Variants in PLEKHG3 observed in about 807,000 individuals in gnomAD.
PLEKHG3 encodes the protein pleckstrin homology domain-containing family G member 3.
In PLEKHG3, 62 loss-of-function variants were observed where a neutral mutation model predicts 94.9. The observed-to-expected ratio is 0.65, with a 90% CI of 0.53 to 0.81. PLEKHG3 has a LOEUF of 0.81. PLEKHG3 is among the 30% of genes least tolerant of loss of function. PLEKHG3 has a pLI of 0.00. For missense variants in PLEKHG3, 1,461 were observed against 1,619.3 expected, an observed-to-expected ratio of 0.90 and a Z score of 1.68; for synonymous variants, 614 against 654.0, an observed-to-expected ratio of 0.94 and a Z score of 0.93.
At chr14:64,711,002 A>G (rs1028835084) in intron 1 of PLEKHG3, among the ~76,000 whole-genome samples, 2 of 152,160 alleles carry the variant, frequency 1.3e-5, no homozygotes, top group African/African-American at 4.8e-5. Context: ...TTTTTAAAAG[A>G]TTCCCAGTCA....
In PLEKHG3 at chr14:64,738,903, C is replaced by A. The variant is rs760230682; in HGVS notation, c.1518+48C>A. The stretch of plus-strand genomic sequence containing the variant: ...GGGGATAGTAGGAAGAACTTGGAGT[C>A]CAGATTTTCAAGTCTGCAAATAGGG... On this transcript the variant is annotated intron_variant, in intron 15 of 16. Coordinates refer to ENST00000247226, the MANE Select transcript of PLEKHG3 (RefSeq NM_001308147.2). This position sits in a 1 kb window ranked among gnomAD's most constrained non-coding sequence, Gnocchi z 4.8. 4.8e-6 allele frequency: 6 copies of A among 1,251,244 alleles called. No homozygotes were observed. Among genetic ancestry groups the A allele is most frequent in the Non-Finnish European group, 6.9e-6 (6 of 873,142 alleles). 77.5% of individuals were successfully genotyped at this position (1,251,244 alleles called of 1,614,324 possible). A position where few individuals can be genotyped will look rare whatever the true frequency, so the allele number is the denominator to read the frequency against.
rs907761393 is a variant in PLEKHG3 at position 64,741,784 on chromosome 14, G to T, written c.2267G>T (p.Arg756Met). 6.2e-7 allele frequency: 1 copy of T among 1,613,376 alleles called. No individual in the cohort carries two copies. Among genetic ancestry groups the T allele is most frequent in the Non-Finnish European group, 8.5e-7 (1 of 1,180,052 alleles). Residue 756 changes from arginine to methionine, a missense_variant, in exon 16 of 17, where the codon AGG becomes ATG. Physicochemically the swap from Arg to Met is moderately conservative, Grantham distance 91. Transcript: ENST00000247226. ...GGACTGGTAAGAAACTCCATCTCCA[G>T]GTTCAACAGCCTTCCCCGGCCAGAC... ...PKGLVRNSIS[R>M]FNSLPRPDPE...
Position 64,749,390 on chromosome 14 carries a change from G to C in PLEKHG3, c.*5687G>C, listed in dbSNP as rs780072609. 1 of 1,609,826 alleles carries C rather than the reference G, an allele frequency of 6.2e-7. No homozygotes were observed. Among genetic ancestry groups the C allele is most frequent in the Admixed American group, 1.7e-5 (1 of 59,976 alleles). Reference sequence around the variant, plus strand: ...CGTCGGGGCCGGAGAGGGAAGGCAGGGGCAGGCTCTGCGCCTTGACGCGGA... The same window carrying C: ...CGTCGGGGCCGGAGAGGGAAGGCAGCGGCAGGCTCTGCGCCTTGACGCGGA... On this transcript the variant is annotated 3_prime_UTR_variant, in exon 17 of 17. Coordinates refer to ENST00000247226, the MANE Select transcript of PLEKHG3 (RefSeq NM_001308147.2). This position sits in a 1 kb window ranked among gnomAD's most constrained non-coding sequence, Gnocchi z 4.7.
chr14:64,730,207 T>G lies in PLEKHG3; in HGVS notation c.450-36T>G. On this transcript the variant is annotated intron_variant, in intron 3 of 16. Coordinates refer to ENST00000247226, the MANE Select transcript of PLEKHG3 (RefSeq NM_001308147.2). The surrounding 1 kb of genome is among the most constrained non-coding windows in gnomAD (Gnocchi z 5.4). The stretch of plus-strand genomic sequence containing the variant: ...GCAGTGAGGGGCATTGTCCTCTGAC[T>G]GCAGAGGGTACAGTGGCTGCTCTCC... The G allele has an allele frequency of 8.2e-7, 1 of 1,226,438 alleles. No individual in the cohort carries two copies. Among genetic ancestry groups the G allele is most frequent in the Non-Finnish European group, 1.2e-6 (1 of 864,132 alleles). The allele number at this position is 1,226,438 out of a possible 1,614,324, so 76.0% of individuals were successfully genotyped here. A position where few individuals can be genotyped will look rare whatever the true frequency, so the allele number is the denominator to read the frequency against.
intron 14 of PLEKHG3, 140 bp downstream of exon 14, chr14:64,737,515 G>T (rs1056905979): frequency 3.1e-6 from 2 of 639,858 alleles, no homozygotes; most frequent in Non-Finnish European, 5.5e-6. Flanking sequence ...CAGGCTGTGT[G>T]GCTTAGGGCC....
Position 64,742,090 on chromosome 14 carries a change from C to T in PLEKHG3, c.2573C>T (p.Thr858Ile). 6.2e-7 allele frequency: 1 copy of T among 1,610,294 alleles called. No individual in the cohort carries two copies. Among genetic ancestry groups the T allele is most frequent in the South Asian group, 1.1e-5 (1 of 91,032 alleles). The change falls in exon 16 of 17, where the codon ACA (threonine) becomes ATA (isoleucine). Residue 858 changes from threonine (T) to isoleucine (I), a missense_variant. Thr to Ile is a moderately conservative substitution (Grantham distance 89). This residue lies in a region of PLEKHG3 where 1,201 missense variants were observed against 1,295.5 expected (regional missense o/e 0.93). Coordinates refer to ENST00000247226, the MANE Select transcript of PLEKHG3 (RefSeq NM_001308147.2). ...ILEEHELGAITEESATASPES... is the reference protein window; with the variant it reads ...ILEEHELGAIIEESATASPES... ...GAGGAGCATGAGCTGGGAGCCATCACAGAGGAGTCGGCCACTGCCTCCCCG... is the reference window on the plus strand; with the variant it reads ...GAGGAGCATGAGCTGGGAGCCATCATAGAGGAGTCGGCCACTGCCTCCCCG...
rs1330157824 is a variant in PLEKHG3, at chr14:64,731,000, T to C, written c.718-38T>C. 3 of 1,613,714 alleles carry C rather than the reference T, an allele frequency of 1.9e-6. No individual in the cohort carries two copies. The Admixed American group carries it at 5.0e-5, about 27-fold the overall frequency. On this transcript the variant is annotated intron_variant, in intron 6 of 16. Transcript: ENST00000247226. This position sits in a 1 kb window ranked among gnomAD's most constrained non-coding sequence, Gnocchi z 5.4. ...CTAGGGCCTGGGGAGGGCAGGGCCT[T>C]CGGGTCAGGGGCACCTAAGCGTCTA... is the stretch of plus-strand genomic sequence containing the variant.
At chr14:64,713,964 A>C (rs1227117837) in intron 1 of PLEKHG3, among the ~76,000 whole-genome samples, 1 of 151,982 alleles carries the variant, frequency 6.6e-6, no homozygotes, top group African/African-American at 2.4e-5. Context: ...TGCTTTTTCT[A>C]ATTGGCCTGT....
At position 64,738,964 on chromosome 14, in the gene PLEKHG3, AAC is replaced by A; in HGVS notation, c.1518+111_1518+112del. ...CAGGCTCTCCCACTGGGCCCATGGGAACAGAGATTCCCCACCTCCCAGGACTC... is the reference window on the plus strand; with the variant it reads ...CAGGCTCTCCCACTGGGCCCATGGGAAGAGATTCCCCACCTCCCAGGACTC... On this transcript the variant is annotated intron_variant, in intron 15 of 16. Coordinates refer to ENST00000247226, the MANE Select transcript of PLEKHG3 (RefSeq NM_001308147.2). The surrounding 1 kb of genome is among the most constrained non-coding windows in gnomAD (Gnocchi z 4.8). 1 of 710,572 alleles carries A rather than the reference AAC, an allele frequency of 1.4e-6. No individual in the cohort carries two copies. Among genetic ancestry groups the A allele is most frequent in the African/African-American group, 1.8e-5 (1 of 56,836 alleles). 44.0% of individuals were successfully genotyped at this position (710,572 alleles called of 1,614,324 possible).
chr14:64,727,752 AGCTCCGAGGCTCCCGCCAAGAATG>A lies in PLEKHG3; in HGVS notation c.123_146del (p.Ser41_Gly49delinsArg). 3 of 1,611,418 alleles carry A rather than the reference AGCTCCGAGGCTCCCGCCAAGAATG, an allele frequency of 1.9e-6. No homozygotes were observed. Among genetic ancestry groups the A allele is most frequent in the Middle Eastern group, 1.7e-4 (1 of 6,056 alleles). On this transcript the variant is annotated inframe_deletion, in exon 2 of 17. Transcript: ENST00000247226. The surrounding 1 kb of genome is among the most constrained non-coding windows in gnomAD (Gnocchi z 6.0). ...TCGCAGTGCCATGGAGGAGCCCAGC[AGCTCCGAGGCTCCCGCCAAGAATG>A]GGGCAGGCTCCCTGAGAAGCCGGCA...
rs2081823999 is a variant in PLEKHG3, at chr14:64,745,744, C to T, written c.*2041C>T. On this transcript the variant is annotated 3_prime_UTR_variant, in exon 17 of 17. Transcript: ENST00000247226. The surrounding 1 kb of genome is among the most constrained non-coding windows in gnomAD (Gnocchi z 5.0). The stretch of plus-strand genomic sequence containing the variant: ...AGCCTCTGATCTTCCCTTGAAGAAC[C>T]CGACTGGGGCTCTTCAGAGGGTGGG... 1 of 152,250 alleles carries T rather than the reference C, an allele frequency of 6.6e-6. No homozygotes were observed. Among genetic ancestry groups the T allele is most frequent in the African/African-American group, 2.4e-5 (1 of 41,448 alleles). 9.4% of individuals were successfully genotyped at this position (152,250 alleles called of 1,614,324 possible).
At position 64,732,419 on chromosome 14, in the gene PLEKHG3, C is replaced by T. The variant is rs577835611; in HGVS notation, c.1213-8C>T. 9.1e-5 allele frequency: 147 copies of T among 1,611,862 alleles called. 1 individual carries two copies. In the South Asian group the frequency reaches 1.5e-3, roughly 16 times the overall value. ...GGTAATAACCAGGTGTGTTTCCTTC[C>T]CCTTCAGGCCAAGGAAGCCATCTTG... On this transcript the variant is annotated splice_polypyrimidine_tract_variant and splice_region_variant and intron_variant, in intron 10 of 16. Transcript: ENST00000247226. This position sits in a 1 kb window ranked among gnomAD's most constrained non-coding sequence, Gnocchi z 4.9.
rs950714774 is a variant in PLEKHG3, at chr14:64,720,774, A to G, written c.-39-6819A>G. Reference sequence around the variant, plus strand: ...AGGTAAGAAGTCAGACTGGGTTTGCATGGCTGGGTTCCTTCTGCAGGATCC... The same window carrying G: ...AGGTAAGAAGTCAGACTGGGTTTGCGTGGCTGGGTTCCTTCTGCAGGATCC... On this transcript the variant is annotated intron_variant, in intron 1 of 16. Transcript: ENST00000247226. The surrounding 1 kb of genome is among the most constrained non-coding windows in gnomAD (Gnocchi z 4.1). Among the ~76,000 whole-genome samples, 1 of 152,292 alleles carries G rather than the reference A, an allele frequency of 6.6e-6. No individual in the cohort carries two copies. Among genetic ancestry groups the G allele is most frequent in the Admixed American group, 6.5e-5 (1 of 15,304 alleles).
intron 1 of PLEKHG3, among the ~76,000 whole-genome samples, chr14:64,714,080 T>C (rs2081100654): frequency 6.6e-6 from 1 of 152,254 alleles, no homozygotes; most frequent in Non-Finnish European, 1.5e-5. Flanking sequence ...AGACCTATTC[T>C]TTAATTTCTA....
Position 64,732,581 on chromosome 14 carries a change from TGTTAAGG to T in PLEKHG3, c.1246+123_1246+129del, listed in dbSNP as rs1241901020. ...AGGAGCAGGGAGGGCGGGGGTCTCC[TGTTAAGG>T]GCTGGGGGGTGAACTACATGATTAA... On this transcript the variant is annotated intron_variant, in intron 11 of 16. Coordinates refer to ENST00000247226, the MANE Select transcript of PLEKHG3 (RefSeq NM_001308147.2). This position sits in a 1 kb window ranked among gnomAD's most constrained non-coding sequence, Gnocchi z 4.9. 10 of 896,250 alleles carry T rather than the reference TGTTAAGG, an allele frequency of 1.1e-5. No individual in the cohort carries two copies. Among genetic ancestry groups the T allele is most frequent in the Non-Finnish European group, 1.9e-5 (10 of 536,686 alleles). 55.5% of individuals were successfully genotyped at this position (896,250 alleles called of 1,614,324 possible).
chr14:64,720,015 A>C lies in PLEKHG3; in HGVS notation c.-39-7578A>C, dbSNP rs1368483796. Among the ~76,000 whole-genome samples, 1 of 152,172 alleles carries C rather than the reference A, an allele frequency of 6.6e-6. No individual in the cohort carries two copies. The highest frequency in any genetic ancestry group is 2.4e-5 in the African/African-American group (1 of 41,412). On this transcript the variant is annotated intron_variant, in intron 1 of 16. Coordinates refer to ENST00000247226, the MANE Select transcript of PLEKHG3 (RefSeq NM_001308147.2). The surrounding 1 kb of genome is among the most constrained non-coding windows in gnomAD (Gnocchi z 4.1). ...CGGTTTTGGGGCACATTGCATAGTG[A>C]CAAGTTGTGCTGGCAGCCAAGTTAC... is the stretch of plus-strand genomic sequence containing the variant.
At position 64,725,237 on chromosome 14, in the gene PLEKHG3, C is replaced by T. The variant is rs1016583426; in HGVS notation, c.-39-2356C>T. Among the ~76,000 whole-genome samples the T allele has an allele frequency of 6.6e-6, 1 of 152,150 alleles. No individual in the cohort carries two copies. Among genetic ancestry groups the T allele is most frequent in the Non-Finnish European group, 1.5e-5 (1 of 68,038 alleles). On this transcript the variant is annotated intron_variant, in intron 1 of 16. Transcript: ENST00000247226. The surrounding 1 kb of genome is among the most constrained non-coding windows in gnomAD (Gnocchi z 5.0). ...CTGTGAGTAATCTTTTGCTTTAAGA[C>T]TGTGAACTGGCTGGCTGTGAAATCC...
intron 15 of PLEKHG3, among the ~76,000 whole-genome samples, chr14:64,740,032 G>C (rs1003353684): frequency 6.6e-6 from 1 of 152,190 alleles, no homozygotes; most frequent in Non-Finnish European, 1.5e-5. Context: ...TGTATACAGA[G>C]TATTATTCTA....
rs1276849770 is a variant in PLEKHG3 at position 64,727,520 on chromosome 14, CT to C, written c.-39-72del. On this transcript the variant is annotated intron_variant, in intron 1 of 16. Transcript: ENST00000247226. The surrounding 1 kb of genome is among the most constrained non-coding windows in gnomAD (Gnocchi z 6.0). Reference sequence around the variant, plus strand: ...CTTCCCACCCCACCTGCCCCCACCCCTGGCAACCGTCCCTCTGTTCTGTTTC... The same window carrying C: ...CTTCCCACCCCACCTGCCCCCACCCCGGCAACCGTCCCTCTGTTCTGTTTC... 3 of 570,714 alleles carry C rather than the reference CT, an allele frequency of 5.3e-6. No homozygotes were observed. The highest frequency in any genetic ancestry group is 9.6e-6 in the Non-Finnish European group (3 of 312,326). The allele number at this position is 570,714 out of a possible 1,614,324, so 35.4% of individuals were successfully genotyped here. A position where few individuals can be genotyped will look rare whatever the true frequency, so the allele number is the denominator to read the frequency against.
Sources: gnomAD v4.1 joint callset for allele counts (sites outside exome capture counted in the v4.1 genomes callset) on GRCh38, gnomAD v4.1.1 for gene constraint, gnomAD v4.1.1 regional missense constraint, Gnocchi (gnomAD v3.1) non-coding constraint, MANE v1.5 for transcripts, NCBI Gene and HGNC (gene_info 2026-07-23, HGNC 2026-07-21) for gene names.